CACNA1D: variants seen among roughly 807,000 people sequenced by gnomAD.
The protein encoded by CACNA1D is calcium voltage-gated channel subunit alpha1 D.
Under a neutral mutation model 257.1 loss-of-function variants are expected in CACNA1D, and 55 were observed. That is an observed-to-expected ratio of 0.21 (90% CI 0.17 to 0.27). The LOEUF is 0.27. Among genes scored for constraint, CACNA1D ranks in the 10% least tolerant of loss-of-function variants. The pLI is 1.00. For synonymous variants in CACNA1D, 980 were observed against 1,014.9 expected, an observed-to-expected ratio of 0.97 and a Z score of 0.65; for missense variants, 1,876 against 2,784.0, an observed-to-expected ratio of 0.67 and a Z score of 7.34.
chr3:53,736,230 A>G (rs11708934), intron 20 of CACNA1D, among the ~76,000 whole-genome samples: 39,499 of 151,986 alleles, frequency 0.26, 5,546 homozygotes, highest in African/African-American at 0.35. Flanking sequence ...AGTCCCAGCT[A>G]CTCAGGAGAC....
chr3:53,688,520 C>T (rs1357265470), intron 8 of CACNA1D, among the ~76,000 whole-genome samples: 18 of 152,270 alleles, frequency 1.2e-4, no homozygotes, highest in Non-Finnish European at 1.8e-4. Flanking sequence ...CCTGGATAAA[C>T]GGGAAGACCT....
chr3:53,538,400 G>A (rs1169807447), intron 3 of CACNA1D, among the ~76,000 whole-genome samples: 3 of 151,992 alleles, frequency 2.0e-5, no homozygotes, highest in African/African-American at 2.4e-5. Flanking sequence ...CAAGTGATCC[G>A]TCCCCATCGG....
chr3:53,809,937 C>T, intron 46 of CACNA1D, 41 bp from the exon 47 acceptor site: 1 of 1,597,500 alleles, frequency 6.3e-7, no homozygotes, highest in Non-Finnish European at 8.6e-7. Flanking sequence ...GCCCGGACCT[C>T]TGAGAACCTC....
At chr3:53,713,802 A>G (rs911993635) in intron 9 of CACNA1D, among the ~76,000 whole-genome samples, 4 of 152,136 alleles carry the variant, frequency 2.6e-5, no homozygotes, top group African/African-American at 9.7e-5. Flanking sequence ...CCGGCTGCCC[A>G]TGCTGCAAAG....
intron 8 of CACNA1D, among the ~76,000 whole-genome samples, chr3:53,700,066 A>T (rs1043589005): frequency 6.8e-6 from 1 of 146,758 alleles, no homozygotes; most frequent in Non-Finnish European, 1.5e-5. Flanking sequence ...TATAAAATGT[A>T]TATAATTATA....
In CACNA1D at chr3:53,723,111, T is replaced by C. The variant is rs2094898122; in HGVS notation, c.1667-323T>C. Among the ~76,000 whole-genome samples the C allele has an allele frequency of 6.6e-6, 1 of 152,276 alleles. No homozygotes were observed. Among genetic ancestry groups the C allele is most frequent in the East Asian group, 1.9e-4 (1 of 5,172 alleles). ...ACCTGATGGTGTCAACGCAGAATCG[T>C]AGGCTTTTAGGGCTGGAAGGAGTCA... is the stretch of plus-strand genomic sequence containing the variant. On this transcript the variant is annotated intron_variant, in intron 12 of 47. Transcript: ENST00000350061. This position sits in a 1 kb window ranked among gnomAD's most constrained non-coding sequence, Gnocchi z 5.6.
chr3:53,509,186 C>T lies in CACNA1D; in HGVS notation c.483+7466C>T, dbSNP rs769380133. Among the ~76,000 whole-genome samples, 7 of 150,584 alleles carry T rather than the reference C, an allele frequency of 4.6e-5. No individual in the cohort carries two copies. In the East Asian group the frequency reaches 5.8e-4, roughly 12 times the overall value. ...GGGTGTTTGGCTGGGCAGGCAAAGC[C>T]GGAAATGGGTGGTATGGAGGAAGAA... On this transcript the variant is annotated intron_variant, in intron 3 of 47. Transcript: ENST00000350061.
chr3:53,810,320 G>A, intron 47 of CACNA1D, 22 bp downstream of exon 47: 2 of 1,610,530 alleles, frequency 1.2e-6, no homozygotes, highest in Non-Finnish European at 1.7e-6. Flanking sequence ...TCTTGGCCGT[G>A]GTGGGCAGGA....
Position 53,748,140 on chromosome 3 carries a change from T to C in CACNA1D, c.3314+692T>C, listed in dbSNP as rs192613559. On this transcript the variant is annotated intron_variant, in intron 26 of 47. Transcript: ENST00000350061. The stretch of plus-strand genomic sequence containing the variant: ...TCCTGAAGAATGGCTAAGATGTTGA[T>C]GGGTAAAGTAAGAAGAGCAGGTAAG... 5.6e-4 allele frequency among the ~76,000 whole-genome samples: 86 copies of C among 152,270 alleles called. 1 individual carries two copies. Among genetic ancestry groups the C allele is most frequent in the South Asian group, 1.2e-3 (6 of 4,826 alleles).
intron 3 of CACNA1D, among the ~76,000 whole-genome samples, chr3:53,523,314 A>G (rs1343633631): frequency 1.3e-5 from 2 of 152,178 alleles, no homozygotes; most frequent in African/African-American, 2.4e-5. Flanking sequence ...TGAGCCATCA[A>G]TCCAAGGTCA....
intron 19 of CACNA1D, 147 bp from the exon 20 acceptor site, chr3:53,735,227 C>A: frequency 1.2e-6 from 1 of 817,524 alleles, no homozygotes. Context: ...GGACAGGTTG[C>A]TCAGGTGTGC....
chr3:53,609,466 A>C (rs1372654205), intron 3 of CACNA1D, among the ~76,000 whole-genome samples: 2 of 151,808 alleles, frequency 1.3e-5, no homozygotes, highest in Non-Finnish European at 2.9e-5. Flanking sequence ...AGGACTACTC[A>C]GATTTTCTGT....
chr3:53,757,919 A>G (rs918134190), intron 29 of CACNA1D, among the ~76,000 whole-genome samples: 6 of 152,000 alleles, frequency 3.9e-5, no homozygotes, highest in African/African-American at 9.7e-5. Context: ...ATCGTTACCA[A>G]CACTACTCCA....
At position 53,673,037 on chromosome 3, in the gene CACNA1D, G is replaced by T; in HGVS notation, c.1131G>T (p.Met377Ile). ...ATTTCTTGCAGATGAATGATGCTATGGGATTTGAATTGCCCTGGGTGTATT... is the reference window on the plus strand; with the variant it reads ...ATTTCTTGCAGATGAATGATGCTATTGGATTTGAATTGCCCTGGGTGTATT... The part of the protein sequence containing the change: ...TDVLYWMNDA[M>I]GFELPWVYFV... Residue 377 changes from methionine (M) to isoleucine (I), a missense_variant, in exon 8 of 48, where the codon ATG becomes ATT. Met to Ile is a conservative substitution (Grantham distance 10). This residue lies in a region of CACNA1D where 188 missense variants were observed against 390.4 expected (regional missense o/e 0.48). Transcript: ENST00000350061. The surrounding 1 kb of genome is among the most constrained non-coding windows in gnomAD (Gnocchi z 4.1). The T allele has an allele frequency of 6.4e-7, 1 of 1,551,330 alleles. No homozygotes were observed. The highest frequency in any genetic ancestry group is 8.7e-7 in the Non-Finnish European group (1 of 1,146,562).
rs868475044 is a variant in CACNA1D at position 53,682,384 on chromosome 3, A to C, written c.1220+9258A>C. ...CTCTGGTAAAAAAAAAAAAAAAAAA[A>C]AAAAAAAAAAAACAGAAGTCTTTTT... On this transcript the variant is annotated intron_variant, in intron 8 of 47. Transcript: ENST00000350061. 6.1e-5 allele frequency among the ~76,000 whole-genome samples: 9 copies of C among 148,288 alleles called. No individual in the cohort carries two copies. In the South Asian group the frequency reaches 6.4e-4, roughly 11 times the overall value.
intron 8 of CACNA1D, among the ~76,000 whole-genome samples, chr3:53,682,904 T>G (rs2094445529): frequency 6.6e-6 from 1 of 152,176 alleles, no homozygotes; most frequent in African/African-American, 2.4e-5. Context: ...GGAAATAGGA[T>G]ATACAGGATT....
chr3:53,504,205 C>T (rs777976532), intron 3 of CACNA1D, among the ~76,000 whole-genome samples: 3 of 152,028 alleles, frequency 2.0e-5, no homozygotes, highest in East Asian at 1.9e-4. Context: ...AAAGGGCAGA[C>T]GCTGAAATGA....
intron 28 of CACNA1D, 129 bp downstream of exon 28, chr3:53,752,036 TTGG>T: frequency 2.3e-6 from 2 of 880,048 alleles, no homozygotes; most frequent in Non-Finnish European, 3.9e-6. Context: ...GGGCTATAGG[TTGG>T]CCAGAGTTCT....
chr3:53,592,738 T>C (rs1335185703), intron 3 of CACNA1D, among the ~76,000 whole-genome samples: 1 of 152,030 alleles, frequency 6.6e-6, no homozygotes, highest in African/African-American at 2.4e-5. Flanking sequence ...AGTTTTGCTC[T>C]TGTTGCCCAG....
Sources: allele counts gnomAD v4.1 joint callset (sites outside exome capture counted in the v4.1 genomes callset), GRCh38; gene constraint gnomAD v4.1.1; regional missense constraint gnomAD v4.1.1; non-coding constraint Gnocchi (gnomAD v3.1); transcripts MANE v1.5; gene names NCBI Gene and HGNC (gene_info 2026-07-23, HGNC 2026-07-21).